Variants in DGKI observed in about 807,000 individuals in gnomAD.
DGKI encodes diacylglycerol kinase iota, also known as DAG kinase iota.
In DGKI, 55 loss-of-function variants were observed where a neutral mutation model predicts 147.5. The ratio of observed to expected loss-of-function variants is 0.37; its 90% CI spans 0.30 to 0.47. The LOEUF (loss-of-function observed/expected upper bound fraction) is 0.47, where lower values mean the gene tolerates loss of function less well. DGKI is among the 20% of genes least tolerant of loss of function. The probability of loss-of-function intolerance (pLI) is 1.00; values close to 1 mark genes in which losing one functional copy is unlikely to be tolerated. For synonymous variants in DGKI, 469 were observed against 477.1 expected, an observed-to-expected ratio of 0.98 and a Z score of 0.22; for missense variants, 1,007 against 1,323.8, an observed-to-expected ratio of 0.76 and a Z score of 3.71.
chr7:137,843,102 C>T (rs962212654), intron 1 of DGKI, among the ~76,000 whole-genome samples: 2 of 152,200 alleles, frequency 1.3e-5, no homozygotes, highest in East Asian at 1.9e-4. Context: ...GTCATAGTCA[C>T]ATCACAGGAC....
chr7:137,621,966 T>C (rs1459421272), intron 7 of DGKI, among the ~76,000 whole-genome samples: 6 of 152,270 alleles, frequency 3.9e-5, no homozygotes, highest in Admixed American at 2.6e-4. Context: ...GGACCACAAA[T>C]GGAGATATTG....
intron 19 of DGKI, among the ~76,000 whole-genome samples, chr7:137,570,630 C>T (rs1288050084): frequency 6.7e-6 from 1 of 149,028 alleles, no homozygotes; most frequent in African/African-American, 2.5e-5. Flanking sequence ...TTTCACTCGT[C>T]ACCCAGGCTG....
chr7:137,714,374 T>A (rs1393897738), intron 1 of DGKI, among the ~76,000 whole-genome samples: 1 of 152,268 alleles, frequency 6.6e-6, no homozygotes, highest in African/African-American at 2.4e-5. Flanking sequence ...AATTTACATC[T>A]TTTATAATGT....
intron 28 of DGKI, among the ~76,000 whole-genome samples, chr7:137,441,216 C>G (rs866202094): frequency 1.2e-4 from 18 of 151,848 alleles, no homozygotes; most frequent in South Asian, 2.1e-4. Flanking sequence ...GTCAGGAGAT[C>G]GAGACCATCC....
intron 1 of DGKI, among the ~76,000 whole-genome samples, chr7:137,786,542 C>A (rs1196540266): frequency 6.6e-6 from 1 of 151,756 alleles, no homozygotes; most frequent in Non-Finnish European, 1.5e-5. Context: ...GACCACACTG[C>A]CAAAAAAAAT....
At chr7:137,797,689 T>C (rs1330950341) in intron 1 of DGKI, among the ~76,000 whole-genome samples, 1 of 152,004 alleles carries the variant, frequency 6.6e-6, no homozygotes, top group Non-Finnish European at 1.5e-5. Flanking sequence ...GAAGAGATAA[T>C]TAAAATGATA....
At position 137,486,204 on chromosome 7, in the gene DGKI, T is replaced by C. The variant is rs149367361; in HGVS notation, c.2329-786A>G. On this transcript the variant is annotated intron_variant, in intron 22 of 32. Coordinates refer to ENST00000614521, the MANE Select transcript of DGKI (RefSeq NM_001321708.2). ...CTCTTTATTTGTTGAGTTGCCTCTT[T>C]TTTAAAAATCCTACTTTTAGTTGAA... 2.8e-3 allele frequency among the ~76,000 whole-genome samples: 431 copies of C among 152,284 alleles called. 3 individuals carry two copies. The highest frequency in any genetic ancestry group is 0.01 in the African/African-American group (421 of 41,568).
intron 20 of DGKI, among the ~76,000 whole-genome samples, chr7:137,522,985 G>C (rs1407770199): frequency 6.6e-6 from 1 of 151,458 alleles, no homozygotes; most frequent in Non-Finnish European, 1.5e-5. Flanking sequence ...ATTGACTAAA[G>C]TAGAAAGAAT....
At chr7:137,632,866 TAAAC>T (rs59720973) in intron 6 of DGKI, among the ~76,000 whole-genome samples, 6,361 of 145,184 alleles carry the variant, frequency 0.044, 313 homozygotes, top group African/African-American at 0.13. Flanking sequence ...CTCAAATAAA[TAAAC>T]AAACAAACAA....
Position 137,738,259 on chromosome 7 carries a change from G to C in DGKI, c.402-48257C>G, listed in dbSNP as rs144683837. ...AAAGTAGAATTTGAAAGCAGATCTC[G>C]AGGGCTGGACCCTTAGCTGCTGTGC... On this transcript the variant is annotated intron_variant, in intron 1 of 32. Transcript: ENST00000614521. Among the ~76,000 whole-genome samples, 85 of 152,194 alleles carry C rather than the reference G, an allele frequency of 5.6e-4. 1 individual carries two copies. The East Asian group carries it at 0.016, about 28-fold the overall frequency.
chr7:137,687,651 G>T (rs1355362353), intron 2 of DGKI, among the ~76,000 whole-genome samples: 1 of 152,208 alleles, frequency 6.6e-6, no homozygotes, highest in Non-Finnish European at 1.5e-5. Context: ...AGTGTAGTGT[G>T]TTGGTCACGG....
rs1811173167 is a variant in DGKI at position 137,386,238 on chromosome 7, T to C, written c.*4982A>G. On this transcript the variant is annotated 3_prime_UTR_variant, in exon 33 of 33. Transcript: ENST00000614521. ...GAGGTTGTCCAAGGGCATGACTCTTTTCTTGGTTCTTATTTTCAGGTTTCT... is the reference window on the plus strand; with the variant it reads ...GAGGTTGTCCAAGGGCATGACTCTTCTCTTGGTTCTTATTTTCAGGTTTCT... 4 of 152,042 alleles carry C rather than the reference T, an allele frequency of 2.6e-5. No homozygotes were observed. The highest frequency in any genetic ancestry group is 2.0e-4 in the Admixed American group (3 of 15,252). The allele number at this position is 152,042 out of a possible 1,614,324, so 9.4% of individuals were successfully genotyped here. A position where few individuals can be genotyped will look rare whatever the true frequency, so the allele number is the denominator to read the frequency against.
Position 137,729,600 on chromosome 7 carries a change from C to T in DGKI, c.402-39598G>A, listed in dbSNP as rs543268229. On this transcript the variant is annotated intron_variant, in intron 1 of 32. Coordinates refer to ENST00000614521, the MANE Select transcript of DGKI (RefSeq NM_001321708.2). The stretch of plus-strand genomic sequence containing the variant: ...CTTCTTCACTTCCAAGTTGTGCTTC[C>T]GGGGAGCACAGTCCTCACTTTCATC... Among the ~76,000 whole-genome samples, 14 of 152,152 alleles carry T rather than the reference C, an allele frequency of 9.2e-5. No individual in the cohort carries two copies. In the South Asian group the frequency reaches 2.5e-3, roughly 27 times the overall value.
intron 21 of DGKI, among the ~76,000 whole-genome samples, chr7:137,520,271 AT>A (rs1246971778): frequency 6.6e-6 from 1 of 152,088 alleles, no homozygotes; most frequent in Non-Finnish European, 1.5e-5. Context: ...GAGATCTGTT[AT>A]CTTCTTTTAA....
intron 28 of DGKI, among the ~76,000 whole-genome samples, chr7:137,438,403 GCAAA>G (rs1563019334): frequency 1.3e-5 from 2 of 152,146 alleles, no homozygotes; most frequent in East Asian, 3.9e-4. Context: ...CACAAGACTA[GCAAA>G]CATTTTTAAA....
Position 137,412,597 on chromosome 7 carries a change from A to G in DGKI, c.2762-390T>C, listed in dbSNP as rs962330145. ...AACTTAGTAGGGTTCATGAAGTCCTATGAATGTTCCTAACCCAGCCACAGA... is the reference window on the plus strand; with the variant it reads ...AACTTAGTAGGGTTCATGAAGTCCTGTGAATGTTCCTAACCCAGCCACAGA... On this transcript the variant is annotated intron_variant, in intron 28 of 32. Coordinates refer to ENST00000614521, the MANE Select transcript of DGKI (RefSeq NM_001321708.2). 7.9e-5 allele frequency among the ~76,000 whole-genome samples: 12 copies of G among 152,358 alleles called. No individual in the cohort carries two copies. In the East Asian group the frequency reaches 2.3e-3, roughly 29 times the overall value.
At chr7:137,842,199 GA>G (rs1798563807) in intron 1 of DGKI, among the ~76,000 whole-genome samples, 1 of 152,142 alleles carries the variant, frequency 6.6e-6, no homozygotes, top group Non-Finnish European at 1.5e-5. Flanking sequence ...ATATTCAGGA[GA>G]AAAGTTCCCC....
chr7:137,539,930 C>T (rs907327578), intron 20 of DGKI, among the ~76,000 whole-genome samples: 6 of 152,122 alleles, frequency 3.9e-5, no homozygotes, highest in Admixed American at 3.3e-4. Context: ...ACCTCACAGA[C>T]ATGAAAGAGA....
chr7:137,642,803 C>T lies in DGKI; in HGVS notation c.804+2669G>A, dbSNP rs1821676817. ...AGCAGAAATGGAAACCACAAACACTCTTTAACCATAAACACTTCCTAAAAA... is the reference window on the plus strand; with the variant it reads ...AGCAGAAATGGAAACCACAAACACTTTTTAACCATAAACACTTCCTAAAAA... On this transcript the variant is annotated intron_variant, in intron 6 of 32. Transcript: ENST00000614521. Among the ~76,000 whole-genome samples, 2 of 151,714 alleles carry T rather than the reference C, an allele frequency of 1.3e-5. 1 individual carries two copies. The highest frequency in any genetic ancestry group is 4.2e-4 in the South Asian group (2 of 4,792).
Sources: allele counts gnomAD v4.1 joint callset (sites outside exome capture counted in the v4.1 genomes callset), GRCh38; gene constraint gnomAD v4.1.1; transcripts MANE v1.5; gene names NCBI Gene and HGNC (gene_info 2026-07-23, HGNC 2026-07-21).